Variants in CRTC1 observed in about 807,000 individuals in gnomAD.
The protein encoded by CRTC1 is CREB-regulated transcription coactivator 1.
CRTC1 carries 18 observed loss-of-function variants against 66.1 expected under a neutral mutation model. The observed-to-expected ratio is 0.27, with a 90% confidence interval of 0.19 to 0.40. The LOEUF (loss-of-function observed/expected upper bound fraction) is 0.40. Ranked by LOEUF, CRTC1 falls within the 10% of genes least tolerant of loss-of-function variation. CRTC1 has a pLI of 1.00. For missense variants in CRTC1, 669 were observed against 887.9 expected (o/e 0.75, Z 3.13); for synonymous variants, 416 against 398.8 (o/e 1.04, Z -0.51).
In CRTC1 at chr19:18,700,664, C is replaced by T. The variant is rs116525368; in HGVS notation, c.126+16836C>T. On this transcript the variant is annotated intron_variant, in intron 1 of 13. Coordinates refer to ENST00000321949, the MANE Select transcript of CRTC1 (RefSeq NM_015321.3). ...GGTGCATGCCAGCTGGTCATTCGCC[C>T]GGAAATCTCTGGGAGGAAGTATCAG... Among the ~76,000 whole-genome samples, 598 of 152,286 alleles carry T rather than the reference C, an allele frequency of 3.9e-3. 3 individuals carry two copies. The highest frequency in any genetic ancestry group is 0.014 in the African/African-American group (563 of 41,558).
Position 18,777,024 on chromosome 19 carries a change from C to A in CRTC1, c.1694-147C>A, listed in dbSNP as rs1207009600. 1.6e-6 allele frequency: 1 copy of A among 616,774 alleles called. No individual in the cohort carries two copies. The highest frequency in any genetic ancestry group is 2.7e-5 in the East Asian group (1 of 36,552). 38.2% of individuals were successfully genotyped at this position (616,774 alleles called of 1,614,324 possible). On this transcript the variant is annotated intron_variant, in intron 13 of 13. Transcript: ENST00000321949. This position sits in a 1 kb window ranked among gnomAD's most constrained non-coding sequence, Gnocchi z 5.5. ...CAGCATCTCATGTGCTGGCCCCTCCCCCAGTCATGACAGCTGGAATGTCCC... is the reference window on the plus strand; with the variant it reads ...CAGCATCTCATGTGCTGGCCCCTCCACCAGTCATGACAGCTGGAATGTCCC...
intron 1 of CRTC1, among the ~76,000 whole-genome samples, chr19:18,739,533 C>T (rs548400596): frequency 6.6e-6 from 1 of 152,350 alleles, no homozygotes; most frequent in East Asian, 1.9e-4. Context: ...CATCTTTGTT[C>T]ACTTGTGGAT....
chr19:18,755,593 CT>C (rs58121199), intron 6 of CRTC1, among the ~76,000 whole-genome samples: 1,107 of 107,324 alleles, frequency 0.01, 10 homozygotes, highest in African/African-American at 0.03. Context: ...CCAAACCTGG[CT>C]TTTTTTTTTT....
intron 1 of CRTC1, among the ~76,000 whole-genome samples, chr19:18,697,227 C>T (rs867853147): frequency 8.0e-4 from 121 of 152,094 alleles, no homozygotes; most frequent in African/African-American, 1.2e-3. Context: ...GGTTCTTGCA[C>T]GGAGGGATTC....
chr19:18,693,879 A>G (rs1465341899), intron 1 of CRTC1, among the ~76,000 whole-genome samples: 1 of 151,578 alleles, frequency 6.6e-6, no homozygotes, highest in Non-Finnish European at 1.5e-5. Flanking sequence ...CACACCTGTC[A>G]TCCCAGAGCT....
intron 2 of CRTC1, 69 bp downstream of exon 2, chr19:18,743,095 A>G: frequency 8.5e-7 from 1 of 1,177,932 alleles, no homozygotes; most frequent in Non-Finnish European, 1.3e-6. Context: ...TGGGGGCCAG[A>G]CATTGAGGAC....
At chr19:18,714,993 C>G (rs990818336) in intron 1 of CRTC1, among the ~76,000 whole-genome samples, 1 of 152,238 alleles carries the variant, frequency 6.6e-6, no homozygotes, top group Non-Finnish European at 1.5e-5. Flanking sequence ...GGGGCTGCCA[C>G]TACAAATGAC....
intron 1 of CRTC1, among the ~76,000 whole-genome samples, chr19:18,705,967 C>CTTTTT (rs71336689): frequency 8.2e-6 from 1 of 122,322 alleles, no homozygotes; most frequent in Non-Finnish European, 1.7e-5. Context: ...CTCTCTCTCT[C>CTTTTT]TTTTTTTTTT....
intron 1 of CRTC1, among the ~76,000 whole-genome samples, chr19:18,687,030 T>TA (rs2052700687): frequency 6.7e-6 from 1 of 148,800 alleles, no homozygotes; most frequent in African/African-American, 2.5e-5. Flanking sequence ...TTTTTTTTTT[T>TA]TTTGAGATAG....
At position 18,777,158 on chromosome 19, in the gene CRTC1, C is replaced by A; in HGVS notation, c.1694-13C>A. The A allele has an allele frequency of 1.5e-6, 2 of 1,377,514 alleles. No homozygotes were observed. Among genetic ancestry groups the A allele is most frequent in the Non-Finnish European group, 2.1e-6 (2 of 971,370 alleles). The allele number at this position is 1,377,514 out of a possible 1,614,324, so 85.3% of individuals were successfully genotyped here. A position where few individuals can be genotyped will look rare whatever the true frequency, so the allele number is the denominator to read the frequency against. ...GGCTAAGCAGTGCCTTTTGTCCCCA[C>A]CCCATCCCCCAGTGACAGGAGAGTC... On this transcript the variant is annotated splice_polypyrimidine_tract_variant and intron_variant, in intron 13 of 13. Coordinates refer to ENST00000321949, the MANE Select transcript of CRTC1 (RefSeq NM_015321.3). The surrounding 1 kb of genome is among the most constrained non-coding windows in gnomAD (Gnocchi z 5.5).
At position 18,768,416 on chromosome 19, in the gene CRTC1, A is replaced by G. The variant is rs917553789; in HGVS notation, c.1012-69A>G. The G allele has an allele frequency of 4.4e-6, 6 of 1,361,570 alleles. No individual in the cohort carries two copies. In the African/African-American group the frequency reaches 8.7e-5, roughly 20 times the overall value. The allele number at this position is 1,361,570 out of a possible 1,614,324, so 84.3% of individuals were successfully genotyped here. A position where few individuals can be genotyped will look rare whatever the true frequency, so the allele number is the denominator to read the frequency against. On this transcript the variant is annotated intron_variant, in intron 9 of 13. Coordinates refer to ENST00000321949, the MANE Select transcript of CRTC1 (RefSeq NM_015321.3). The surrounding 1 kb of genome is among the most constrained non-coding windows in gnomAD (Gnocchi z 5.6). ...CCTCGCCTGCTGAGCATGCCAGGCTATGGGGGCCCGAGGGGGCCAGGCGCT... is the reference window on the plus strand; with the variant it reads ...CCTCGCCTGCTGAGCATGCCAGGCTGTGGGGGCCCGAGGGGGCCAGGCGCT...
rs201661960 is a variant in CRTC1, at chr19:18,759,965, G to A, written c.666-43G>A. Reference sequence around the variant, plus strand: ...GCCCCCTGTCCCCGCCGCCAGCCCCGCCCCATGAGCTCACCTCCTGCCTGC... The same window carrying A: ...GCCCCCTGTCCCCGCCGCCAGCCCCACCCCATGAGCTCACCTCCTGCCTGC... On this transcript the variant is annotated intron_variant, in intron 7 of 13. Coordinates refer to ENST00000321949, the MANE Select transcript of CRTC1 (RefSeq NM_015321.3). 2.8e-5 allele frequency: 28 copies of A among 1,002,776 alleles called. No individual in the cohort carries two copies. In the South Asian group the frequency reaches 3.3e-4, roughly 12 times the overall value. The allele number at this position is 1,002,776 out of a possible 1,614,324, so 62.1% of individuals were successfully genotyped here.
intron 1 of CRTC1, among the ~76,000 whole-genome samples, chr19:18,698,357 G>C (rs1201043283): frequency 6.6e-6 from 1 of 151,134 alleles, no homozygotes; most frequent in Non-Finnish European, 1.5e-5. Flanking sequence ...TGCACAGTGT[G>C]TACTCAGCAG....
chr19:18,755,745 G>A (rs1380294056), intron 6 of CRTC1, among the ~76,000 whole-genome samples: 1 of 151,926 alleles, frequency 6.6e-6, no homozygotes, highest in African/African-American at 2.4e-5. Flanking sequence ...TGGGATTACA[G>A]GTGTGAGCTA....
rs1247646537 is a variant in CRTC1, at chr19:18,771,434, C to T, written c.1321-8C>T. The T allele has an allele frequency of 6.2e-7, 1 of 1,609,860 alleles. No homozygotes were observed. The highest frequency in any genetic ancestry group is 8.5e-7 in the Non-Finnish European group (1 of 1,177,954). ...GGCTGCGGCGTGCTGATCTGTCTGT[C>T]ATCGCAGGCGCCGGCTCTGCAGCAG... is the stretch of plus-strand genomic sequence containing the variant. On this transcript the variant is annotated splice_region_variant and splice_polypyrimidine_tract_variant and intron_variant, in intron 10 of 13. Coordinates refer to ENST00000321949, the MANE Select transcript of CRTC1 (RefSeq NM_015321.3). The surrounding 1 kb of genome is among the most constrained non-coding windows in gnomAD (Gnocchi z 4.6).
At chr19:18,692,841 C>T (rs1165653271) in intron 1 of CRTC1, among the ~76,000 whole-genome samples, 4 of 151,832 alleles carry the variant, frequency 2.6e-5, no homozygotes, top group Non-Finnish European at 4.4e-5. Flanking sequence ...TTTGGGAGGC[C>T]GAGGCAGGCG....
At chr19:18,705,194 G>C (rs1834974479) in intron 1 of CRTC1, among the ~76,000 whole-genome samples, 1 of 152,146 alleles carries the variant, frequency 6.6e-6, no homozygotes, top group African/African-American at 2.4e-5. Context: ...TGGACATTTG[G>C]CTGGTTTCAC....
At chr19:18,706,941 A>G (rs1424422726) in intron 1 of CRTC1, among the ~76,000 whole-genome samples, 1 of 152,124 alleles carries the variant, frequency 6.6e-6, no homozygotes, top group Non-Finnish European at 1.5e-5. Flanking sequence ...TTGATCCCTT[A>G]TCATCTATAT....
chr19:18,715,909 G>T (rs977753748), intron 1 of CRTC1, among the ~76,000 whole-genome samples: 1 of 152,168 alleles, frequency 6.6e-6, no homozygotes, highest in Non-Finnish European at 1.5e-5. Context: ...GCCACTGCTT[G>T]TGGTTGGCTG....
Sources: gnomAD v4.1 joint callset for allele counts (sites outside exome capture counted in the v4.1 genomes callset) on GRCh38, gnomAD v4.1.1 for gene constraint, Gnocchi (gnomAD v3.1) non-coding constraint, MANE v1.5 for transcripts, NCBI Gene and HGNC (gene_info 2026-07-23, HGNC 2026-07-21) for gene names.